CORO2B: variants seen among roughly 807,000 people sequenced by gnomAD.
CORO2B encodes the protein coronin 2B, also known as coronin-2B.
A neutral mutation model predicts 58.8 loss-of-function variants in CORO2B; 26 were observed. The ratio of observed to expected loss-of-function variants is 0.44; its 90% CI spans 0.32 to 0.61. The LOEUF (loss-of-function observed/expected upper bound fraction) is 0.61, where lower values mean the gene tolerates loss of function less well. CORO2B is among the 20% of genes least tolerant of loss of function. The probability of loss-of-function intolerance (pLI) is 0.04; values close to 1 mark genes in which losing one functional copy is unlikely to be tolerated. For synonymous variants in CORO2B, 242 were observed against 253.8 expected (o/e 0.95, Z 0.44); for missense variants, 460 against 645.1 (o/e 0.71, Z 3.11).
intron 3 of CORO2B, 45 bp downstream of exon 3, chr15:68,695,301 C>T (rs1567011913): frequency 2.8e-6 from 4 of 1,432,726 alleles, no homozygotes; most frequent in East Asian, 4.5e-5. Context: ...TCAGGCCCCT[C>T]CCTGCTTCCT....
Position 68,715,246 on chromosome 15 carries a change from G to C in CORO2B, c.902G>C (p.Ser301Thr), listed in dbSNP as rs1422281890. 1.9e-6 allele frequency: 3 copies of C among 1,613,944 alleles called. No homozygotes were observed. Among genetic ancestry groups the C allele is most frequent in the Non-Finnish European group, 2.5e-6 (3 of 1,179,998 alleles). The change falls in exon 8 of 12, where the codon AGC becomes ACC. Residue 301 changes from serine (S) to threonine (T), a missense_variant. Coordinates refer to ENST00000261861, the MANE Select transcript of CORO2B (RefSeq NM_006091.5). ...GGAAACATCCGGTACTACGAGATCA[G>C]CACTGAGAAGCCCTACCTGAGTTAC... is the stretch of plus-strand genomic sequence containing the variant. ...GDGNIRYYEI[S>T]TEKPYLSYLM...
intron 1 of CORO2B, among the ~76,000 whole-genome samples, chr15:68,642,738 G>C (rs1901295416): frequency 6.6e-6 from 1 of 152,236 alleles, no homozygotes; most frequent in Non-Finnish European, 1.5e-5. Context: ...TAGGAGCCCA[G>C]GGAGAGGCGC....
At chr15:68,568,555 G>T in the CORO2B span, among the ~76,000 whole-genome samples, 2 of 152,164 alleles carry the variant, frequency 1.3e-5, no homozygotes, top group Non-Finnish European at 2.9e-5. Flanking sequence ...TCCCACTGTA[G>T]ATTTCTGGGA....
At chr15:68,704,043 C>T (rs12898306) in intron 3 of CORO2B, among the ~76,000 whole-genome samples, 1 of 26,344 alleles carries the variant, frequency 3.8e-5, no homozygotes, top group South Asian at 2.6e-3. Flanking sequence ...CACACATACA[C>T]ACACACACAC....
intron 1 of CORO2B, 44 bp downstream of exon 1, chr15:68,579,321 G>A (rs1194473230): frequency 7.9e-7 from 1 of 1,270,884 alleles, no homozygotes; most frequent in South Asian, 2.6e-5. Flanking sequence ...GCCGGCGCCT[G>A]CATCCCCCGG....
the CORO2B span, among the ~76,000 whole-genome samples, chr15:68,549,259 C>T: frequency 1.3e-5 from 2 of 152,314 alleles, no homozygotes; most frequent in South Asian, 2.1e-4. Flanking sequence ...GCTCACAGGC[C>T]ATATTGCTAT....
At chr15:68,592,077 C>T (rs1899721839) in intron 1 of CORO2B, among the ~76,000 whole-genome samples, 1 of 152,120 alleles carries the variant, frequency 6.6e-6, no homozygotes, top group African/African-American at 2.4e-5. Flanking sequence ...TCTTCCCTTC[C>T]CCGGTGTCCC....
the CORO2B span, among the ~76,000 whole-genome samples, chr15:68,558,221 C>T: frequency 2.0e-5 from 3 of 152,226 alleles, no homozygotes; most frequent in Non-Finnish European, 2.9e-5. Context: ...CTGGTGAGCC[C>T]CCAAGGCATC....
intron 3 of CORO2B, among the ~76,000 whole-genome samples, chr15:68,707,002 C>T (rs1035526251): frequency 2.6e-5 from 4 of 152,160 alleles, no homozygotes; most frequent in African/African-American, 4.8e-5. Context: ...ACTCTGTCGC[C>T]CAGGCTGGAG....
intron 1 of CORO2B, among the ~76,000 whole-genome samples, chr15:68,614,109 C>T (rs1349701789): frequency 3.3e-5 from 5 of 152,146 alleles, no homozygotes; most frequent in African/African-American, 1.2e-4. Flanking sequence ...TCACACAGAC[C>T]TCCCGAATCA....
chr15:68,723,273 C>T (rs190039724), intron 11 of CORO2B, among the ~76,000 whole-genome samples: 3 of 148,760 alleles, frequency 2.0e-5, no homozygotes, highest in Admixed American at 6.7e-5. Context: ...AGGTACCCAC[C>T]ACCATGCCTG....
intron 2 of CORO2B, among the ~76,000 whole-genome samples, chr15:68,660,765 GGTGAGGTCATGCACAACATCT>G (rs2140286387): frequency 6.6e-6 from 1 of 152,208 alleles, no homozygotes; most frequent in South Asian, 2.1e-4. Context: ...TGGTAAATCC[GGTGAGGTCATGCACAACATCT>G]GGACACCGTT....
At chr15:68,647,417 C>A (rs368066261) in intron 2 of CORO2B, among the ~76,000 whole-genome samples, 1 of 152,120 alleles carries the variant, frequency 6.6e-6, no homozygotes, top group East Asian at 1.9e-4. Context: ...CGACCGGACA[C>A]GGTGGCTCAC....
rs562675113 is a variant in CORO2B, at chr15:68,660,664, C to T, written c.216+15304C>T. Among the ~76,000 whole-genome samples, 4 of 152,224 alleles carry T rather than the reference C, an allele frequency of 2.6e-5. No homozygotes were observed. In the South Asian group the frequency reaches 8.3e-4, roughly 32 times the overall value. ...GGGATTACAGGTATGAGCCACTGCA[C>T]CCAGCCAAGATTCATATTTTGAACC... On this transcript the variant is annotated intron_variant, in intron 2 of 11. Transcript: ENST00000261861.
At chr15:68,588,153 T>C (rs577363678) in intron 1 of CORO2B, among the ~76,000 whole-genome samples, 1 of 152,338 alleles carries the variant, frequency 6.6e-6, no homozygotes, top group East Asian at 1.9e-4. Flanking sequence ...TCCTTTCCTC[T>C]TCCTCACCAG....
At chr15:68,656,176 C>T (rs1445012763) in intron 2 of CORO2B, among the ~76,000 whole-genome samples, 2 of 113,424 alleles carry the variant, frequency 1.8e-5, no homozygotes, top group East Asian at 3.1e-4. Context: ...CCGTCCCCCC[C>T]GCCCCCCGAC....
chr15:68,654,471 ACT>A (rs1901740578), intron 2 of CORO2B, among the ~76,000 whole-genome samples: 1 of 152,162 alleles, frequency 6.6e-6, no homozygotes, highest in South Asian at 2.1e-4. Flanking sequence ...ATGGGCCCTA[ACT>A]CTGCCCAGAG....
chr15:68,645,478 T>A lies in CORO2B; in HGVS notation c.216+118T>A. 1 of 928,456 alleles carries A rather than the reference T, an allele frequency of 1.1e-6. No homozygotes were observed. Among genetic ancestry groups the A allele is most frequent in the Non-Finnish European group, 1.6e-6 (1 of 626,488 alleles). 57.5% of individuals were successfully genotyped at this position (928,456 alleles called of 1,614,324 possible). A position where few individuals can be genotyped will look rare whatever the true frequency, so the allele number is the denominator to read the frequency against. Reference sequence around the variant, plus strand: ...TGAGTTCCCACCTTTTACTTCCTCATCAAGCATCTAGTGGCTATGCCTTCT... The same window carrying A: ...TGAGTTCCCACCTTTTACTTCCTCAACAAGCATCTAGTGGCTATGCCTTCT... On this transcript the variant is annotated intron_variant, in intron 2 of 11. Transcript: ENST00000261861. The surrounding 1 kb of genome is among the most constrained non-coding windows in gnomAD (Gnocchi z 4.5).
chr15:68,604,925 C>A (rs980297632), intron 1 of CORO2B, among the ~76,000 whole-genome samples: 1 of 151,896 alleles, frequency 6.6e-6, no homozygotes, highest in African/African-American at 2.4e-5. Context: ...ACCAATCTGG[C>A]CAACATAGTG....
Sources: allele counts gnomAD v4.1 joint callset (sites outside exome capture counted in the v4.1 genomes callset), GRCh38; gene constraint gnomAD v4.1.1; non-coding constraint Gnocchi (gnomAD v3.1); transcripts MANE v1.5; gene names NCBI Gene and HGNC (gene_info 2026-07-23, HGNC 2026-07-21).